B4GALT1: variants seen among roughly 807,000 people sequenced by gnomAD.
B4GALT1 encodes the protein N-acetyllactosamine synthase.
In B4GALT1, 16 loss-of-function variants were observed where a neutral mutation model predicts 34.9. The ratio of observed to expected loss-of-function variants is 0.46; its 90% CI spans 0.31 to 0.70. B4GALT1 has a LOEUF of 0.70. B4GALT1 is among the 30% of genes least tolerant of loss of function. The probability of loss-of-function intolerance (pLI) is 0.05; values close to 1 mark genes in which losing one functional copy is unlikely to be tolerated. For missense variants in B4GALT1, 445 were observed against 530.5 expected, an observed-to-expected ratio of 0.84 and a Z score of 1.58; for synonymous variants, 221 against 218.1, an observed-to-expected ratio of 1.01 and a Z score of -0.12.
intron 2 of B4GALT1, among the ~76,000 whole-genome samples, chr9:33,131,825 C>T (rs1326643900): frequency 2.0e-5 from 3 of 152,192 alleles, no homozygotes; most frequent in Non-Finnish European, 4.4e-5. Flanking sequence ...ACAGGATGTG[C>T]TCCAAATGTT....
the B4GALT1 span, among the ~76,000 whole-genome samples, chr9:33,174,990 AATATATATATATATAT>A: frequency 1.2e-3 from 6 of 4,832 alleles, 1 homozygote; most frequent in South Asian, 0.031. Context: ...AAAAAAAAAA[AATATATATATATATAT>A]ATATATATAT....
intron 3 of B4GALT1, among the ~76,000 whole-genome samples, chr9:33,118,955 G>A (rs572266904): frequency 6.6e-5 from 10 of 151,946 alleles, no homozygotes; most frequent in East Asian, 1.9e-4. Flanking sequence ...TCTGCCTCCC[G>A]GGTTCAAGCA....
intron 1 of B4GALT1, among the ~76,000 whole-genome samples, chr9:33,160,955 C>G (rs147755433): frequency 5.3e-5 from 8 of 152,032 alleles, no homozygotes; most frequent in Admixed American, 5.2e-4. Flanking sequence ...ATTATCCCCC[C>G]TCAAAAGGCA....
chr9:33,131,238 C>T (rs1840190155), intron 2 of B4GALT1, among the ~76,000 whole-genome samples: 1 of 152,222 alleles, frequency 6.6e-6, no homozygotes, highest in Admixed American at 6.5e-5. Context: ...GTTTGAGCCG[C>T]AGCCCTACTG....
At chr9:33,118,602 T>G (rs945454752) in intron 3 of B4GALT1, among the ~76,000 whole-genome samples, 2 of 151,518 alleles carry the variant, frequency 1.3e-5, no homozygotes, top group Non-Finnish European at 2.9e-5. Context: ...CCAGGGAGTT[T>G]AAGGCTATAG....
rs1278339829 is a variant in B4GALT1 at position 33,166,845 on chromosome 9, C to T, written c.325G>A (p.Gly109Ser). 1 of 1,561,528 alleles carries T rather than the reference C, an allele frequency of 6.4e-7. No individual in the cohort carries two copies. The highest frequency in any genetic ancestry group is 1.8e-5 in the Admixed American group (1 of 54,356). The change falls in exon 1 of 6, where the codon GGC (glycine) becomes AGC (serine). Residue 109 changes from glycine (G) to serine (S), a missense_variant. This residue lies in a region of B4GALT1 where 349 missense variants were observed against 395.5 expected (regional missense o/e 0.88). Coordinates refer to ENST00000379731, the MANE Select transcript of B4GALT1 (RefSeq NM_001497.4). Reference sequence around the variant, plus strand: ...ACCGAGGTCAAGTTGCTAGCGGGGCCAGGGCCAGAATCCACGACTGGGCTG... The same window carrying T: ...ACCGAGGTCAAGTTGCTAGCGGGGCTAGGGCCAGAATCCACGACTGGGCTG... ...DSSPVVDSGP[G>S]PASNLTSVPV... is the part of the protein sequence containing the mutation.
intron 5 of B4GALT1, 37 bp downstream of exon 5, chr9:33,113,737 T>C (rs1201400645): frequency 5.6e-6 from 9 of 1,612,560 alleles, no homozygotes; most frequent in Non-Finnish European, 7.6e-6. Flanking sequence ...TACCTCATCC[T>C]AAAGGGGGAA....
intron 1 of B4GALT1, among the ~76,000 whole-genome samples, chr9:33,136,988 C>G (rs1242317868): frequency 7.7e-6 from 1 of 129,296 alleles, no homozygotes. Flanking sequence ...GCTGCCACTT[C>G]CACCCCCTTC....
intron 1 of B4GALT1, among the ~76,000 whole-genome samples, chr9:33,156,564 C>A (rs1288770572): frequency 6.6e-6 from 1 of 152,206 alleles, no homozygotes; most frequent in African/African-American, 2.4e-5. Flanking sequence ...ACTACAAGGA[C>A]AGAACTGGCA....
upstream of B4GALT1, chr9:33,167,363 G>A (rs1328162610): frequency 4.6e-6 from 3 of 652,068 alleles, no homozygotes; most frequent in African/African-American, 3.8e-5. Context: ...AGGCGCCGGC[G>A]GAGAGGGGAG....
At chr9:33,148,489 T>A (rs1215381011) in intron 1 of B4GALT1, among the ~76,000 whole-genome samples, 4 of 152,160 alleles carry the variant, frequency 2.6e-5, no homozygotes, top group African/African-American at 9.7e-5. Flanking sequence ...CGTTTAAGGA[T>A]TTTCCTCACA....
upstream of B4GALT1, among the ~76,000 whole-genome samples, chr9:33,169,624 G>A (rs556909749): frequency 4.0e-5 from 6 of 151,218 alleles, no homozygotes; most frequent in East Asian, 2.0e-4. Context: ...GGGTTCAAGC[G>A]ATTCTCCTGC....
chr9:33,136,878 G>A (rs747490300), intron 1 of B4GALT1, among the ~76,000 whole-genome samples: 1 of 152,128 alleles, frequency 6.6e-6, no homozygotes, highest in African/African-American at 2.4e-5. Context: ...TATCAATAAC[G>A]CGTGGCTCTC....
chr9:33,167,162 A>G lies in B4GALT1; in HGVS notation c.8T>C (p.Leu3Pro). Residue 3 changes from leucine to proline, a missense_variant, in exon 1 of 6, where the codon CTT becomes CCT. This residue lies in a region of B4GALT1 where 349 missense variants were observed against 395.5 expected (regional missense o/e 0.88). Coordinates refer to ENST00000379731, the MANE Select transcript of B4GALT1 (RefSeq NM_001497.4). MR[L>P]REPLLSGSAA... Reference sequence around the variant, plus strand: ...GCTGCCGCTCAGGAGCGGCTCCCGAAGCCTCATCTTCCCGCCGCCGCTTTA... The same window carrying G: ...GCTGCCGCTCAGGAGCGGCTCCCGAGGCCTCATCTTCCCGCCGCCGCTTTA... 5 of 1,599,140 alleles carry G rather than the reference A, an allele frequency of 3.1e-6. No homozygotes were observed. The highest frequency in any genetic ancestry group is 1.8e-4 in the Middle Eastern group (1 of 5,684).
chr9:33,172,865 G>A, the B4GALT1 span, among the ~76,000 whole-genome samples: 1 of 151,404 alleles, frequency 6.6e-6, no homozygotes, highest in Non-Finnish European at 1.5e-5. Flanking sequence ...CACTAGGTAG[G>A]GTTGAGCAAC....
At chr9:33,108,067 T>C (rs1839814346), downstream of B4GALT1, among the ~76,000 whole-genome samples, 2 of 152,260 alleles carry the variant, frequency 1.3e-5, no homozygotes. Context: ...TCAACACATA[T>C]GCCCACGTGA....
chr9:33,130,024 A>G (rs974932735), intron 2 of B4GALT1, among the ~76,000 whole-genome samples: 2 of 152,202 alleles, frequency 1.3e-5, no homozygotes, highest in Admixed American at 1.3e-4. Context: ...ACATGGTCAG[A>G]ACCAGAAAAA....
intron 1 of B4GALT1, among the ~76,000 whole-genome samples, chr9:33,149,138 C>A (rs945032612): frequency 1.3e-5 from 2 of 150,742 alleles, no homozygotes; most frequent in South Asian, 2.1e-4. Flanking sequence ...AGGCAAGAAT[C>A]ATTTGTAGAT....
At chr9:33,176,665 G>A in the B4GALT1 span, among the ~76,000 whole-genome samples, 1 of 152,078 alleles carries the variant, frequency 6.6e-6, no homozygotes, top group African/African-American at 2.4e-5. Flanking sequence ...GAGTACACTC[G>A]GCACAAAGGT....
Sources: allele counts gnomAD v4.1 joint callset (sites outside exome capture counted in the v4.1 genomes callset), GRCh38; gene constraint gnomAD v4.1.1; regional missense constraint gnomAD v4.1.1; transcripts MANE v1.5; gene names NCBI Gene and HGNC (gene_info 2026-07-23, HGNC 2026-07-21).